Variants in VSIG1 observed in about 807,000 individuals in gnomAD.
VSIG1 encodes V-set and immunoglobulin domain containing 1.
Under a neutral mutation model 20.1 loss-of-function variants are expected in VSIG1, and 11 were observed. That is an observed-to-expected ratio of 0.55 (90% confidence interval 0.34 to 0.91). VSIG1 has a LOEUF of 0.91. Among genes scored for constraint, VSIG1 ranks in the 40% least tolerant of loss-of-function variants. The probability of loss-of-function intolerance (pLI) is 0.02; values close to 1 mark genes in which losing one functional copy is unlikely to be tolerated. For missense variants in VSIG1, 283 were observed against 298.8 expected, an observed-to-expected ratio of 0.95 and a Z score of 0.39; for synonymous variants, 126 against 116.7, an observed-to-expected ratio of 1.08 and a Z score of -0.52.
At chrX:108,061,729 C>T (rs2031030330) in intron 2 of VSIG1, among the ~76,000 whole-genome samples, 1 of 110,286 alleles carries the variant, frequency 9.1e-6, no homozygotes, top group Non-Finnish European at 1.9e-5. Flanking sequence ...CTGCCTCTTC[C>T]TAAAGGCTCA....
At chrX:108,023,067 C>T in the VSIG1 span, among the ~76,000 whole-genome samples, 1 of 111,878 alleles carries the variant, frequency 8.9e-6, no homozygotes, top group East Asian at 2.8e-4. Flanking sequence ...TATAAATGAC[C>T]CAGCCTCATG....
chrX:108,066,539 T>TAA (rs34098264), intron 2 of VSIG1, among the ~76,000 whole-genome samples: 237 of 103,348 alleles, frequency 2.3e-3, no homozygotes, highest in African/African-American at 7.5e-3. Context: ...TATAAAATGG[T>TAA]AAAAAAAAAA....
chrX:108,018,978 G>A, the VSIG1 span, among the ~76,000 whole-genome samples: 1 of 111,795 alleles, frequency 8.9e-6, no homozygotes, highest in Non-Finnish European at 1.9e-5. Flanking sequence ...AGTGTGTCCA[G>A]GTAAGCTAAT....
chrX:108,047,961 CATATATATATATATAT>C (rs1172282311), intron 1 of VSIG1, among the ~76,000 whole-genome samples: 3 of 19,940 alleles, frequency 1.5e-4, no homozygotes, highest in Admixed American at 1.4e-3. Context: ...TATACACACA[CATATATATATATATAT>C]ATATATATAT....
intron 2 of VSIG1, among the ~76,000 whole-genome samples, chrX:108,062,775 A>G (rs2031053684): frequency 2.7e-5 from 3 of 111,555 alleles, no homozygotes; most frequent in South Asian, 7.7e-4. Context: ...CCCCTTCCCT[A>G]TCCTATGGCT....
chrX:108,031,849 C>T, the VSIG1 span, among the ~76,000 whole-genome samples: 7 of 111,910 alleles, frequency 6.3e-5, no homozygotes, highest in African/African-American at 2.3e-4. Flanking sequence ...GGCAAGTTTG[C>T]CATACTGACT....
At chrX:108,053,127 G>A (rs963551318) in intron 1 of VSIG1, among the ~76,000 whole-genome samples, 1 of 112,022 alleles carries the variant, frequency 8.9e-6, no homozygotes, top group Non-Finnish European at 1.9e-5. Flanking sequence ...GTTGCTAGCA[G>A]ACATACTGTT....
At chrX:108,019,466 G>T in the VSIG1 span, among the ~76,000 whole-genome samples, 1 of 112,540 alleles carries the variant, frequency 8.9e-6, no homozygotes, top group South Asian at 3.7e-4. Flanking sequence ...AGGTGGCATG[G>T]CTGTGCTGCA....
chrX:108,063,398 G>T (rs1426733368), intron 2 of VSIG1, among the ~76,000 whole-genome samples: 1 of 111,490 alleles, frequency 9.0e-6, no homozygotes, highest in African/African-American at 3.3e-5. Flanking sequence ...TGAGGCCTCG[G>T]TGTCCTTTTT....
intron 1 of VSIG1, among the ~76,000 whole-genome samples, chrX:108,047,969 T>TATACAC (rs2030685999): frequency 7.0e-5 from 3 of 43,071 alleles, no homozygotes; most frequent in Non-Finnish European, 1.3e-4. Context: ...CACATATATA[T>TATACAC]ATATATATAT....
chrX:108,051,806 TAAGA>T (rs1359387642), intron 1 of VSIG1, among the ~76,000 whole-genome samples: 1 of 111,391 alleles, frequency 9.0e-6, no homozygotes, highest in Non-Finnish European at 1.9e-5. Flanking sequence ...TATAAAAATA[TAAGA>T]AAGAAGGAAA....
chrX:108,056,297 A>G (rs768080721), intron 1 of VSIG1, among the ~76,000 whole-genome samples: 1 of 111,954 alleles, frequency 8.9e-6, no homozygotes, highest in South Asian at 3.7e-4. Flanking sequence ...CCTACAAGTA[A>G]CCTACAGCCA....
Position 108,078,856 on chromosome X carries a change from A to G in VSIG1, c.*1475A>G, listed in dbSNP as rs2031399606. The stretch of plus-strand genomic sequence containing the variant: ...TTAGATAATTTCAACTAATTAAATA[A>G]CCTGTTTTACTGCCTGTACATTCCA... On this transcript the variant is annotated 3_prime_UTR_variant, in exon 7 of 7. Transcript: ENST00000217957. 1 of 111,903 alleles carries G rather than the reference A, an allele frequency of 8.9e-6. No homozygotes were observed. The highest frequency in any genetic ancestry group is 3.7e-4 in the South Asian group (1 of 2,680). The allele number at this position is 111,903 out of a possible 1,213,427, so 9.2% of individuals were successfully genotyped here. A position where few individuals can be genotyped will look rare whatever the true frequency, so the allele number is the denominator to read the frequency against.
the VSIG1 span, among the ~76,000 whole-genome samples, chrX:108,037,799 A>G: frequency 6.9e-4 from 78 of 112,739 alleles, no homozygotes; most frequent in African/African-American, 2.3e-3. Flanking sequence ...AAACAGACTG[A>G]AATTCCTACT....
chrX:108,046,277 C>T (rs1284389423), intron 1 of VSIG1, among the ~76,000 whole-genome samples: 2 of 112,131 alleles, frequency 1.8e-5, no homozygotes, highest in Non-Finnish European at 3.8e-5. Context: ...TGGAGTTAAA[C>T]ATCACCAGAA....
chrX:108,023,003 G>T, the VSIG1 span, among the ~76,000 whole-genome samples: 1 of 112,082 alleles, frequency 8.9e-6, no homozygotes, highest in Non-Finnish European at 1.9e-5. Flanking sequence ...AGATGATAGT[G>T]CTATGCTTCT....
At chrX:108,055,135 A>T (rs1489396322) in intron 1 of VSIG1, among the ~76,000 whole-genome samples, 3 of 111,101 alleles carry the variant, frequency 2.7e-5, no homozygotes, top group Non-Finnish European at 5.7e-5. Context: ...ATCACTATAG[A>T]TCCTGCAGTC....
intron 1 of VSIG1, 100 bp downstream of exon 1, chrX:108,045,279 T>C (rs2030548597): frequency 1.5e-6 from 1 of 645,879 alleles, no homozygotes; most frequent in East Asian, 3.8e-5. Context: ...TCTCCTGTAC[T>C]TCAAATGAAT....
chrX:108,049,179 A>G (rs2030731283), intron 1 of VSIG1, among the ~76,000 whole-genome samples: 1 of 112,557 alleles, frequency 8.9e-6, no homozygotes, highest in Admixed American at 9.4e-5. Context: ...TCACTTTAAA[A>G]TTTGAAATTA....
Sources: allele counts gnomAD v4.1 joint callset (sites outside exome capture counted in the v4.1 genomes callset), GRCh38; gene constraint gnomAD v4.1.1; transcripts MANE v1.5; gene names NCBI Gene and HGNC (gene_info 2026-07-23, HGNC 2026-07-21).